POLR2F: variants seen among roughly 807,000 people sequenced by gnomAD.
The protein encoded by POLR2F is DNA-directed RNA polymerases I, II, and III subunit RPABC2.
A neutral mutation model predicts 22.7 loss-of-function variants in POLR2F; 12 were observed. That is an observed-to-expected ratio of 0.53 (90% CI 0.34 to 0.86). POLR2F has a LOEUF of 0.86. Ranked by LOEUF, POLR2F falls within the 40% of genes least tolerant of loss-of-function variation. The pLI is 0.02. For synonymous variants in POLR2F, 57 were observed against 66.0 expected (o/e 0.86, Z 0.66); for missense variants, 126 against 171.5 (o/e 0.73, Z 1.48).
chr22:37,959,982 T>A (rs1462293376), intron 3 of POLR2F, among the ~76,000 whole-genome samples: 3 of 151,388 alleles, frequency 2.0e-5, no homozygotes, highest in Admixed American at 6.6e-5. Flanking sequence ...TGTTGTGTTT[T>A]TAATAGAGAC....
chr22:38,002,129 C>T (rs952615603), intron 1 of POLR2F, among the ~76,000 whole-genome samples: 8 of 151,518 alleles, frequency 5.3e-5, no homozygotes, highest in East Asian at 1.9e-4. Flanking sequence ...GGATTACATG[C>T]GCGAGCCAGC....
intron 1 of POLR2F, chr22:38,025,553 CCTT>C: frequency 4.1e-6 from 6 of 1,473,772 alleles, no homozygotes; most frequent in Non-Finnish European, 5.4e-6. Context: ...CTGTCCACGC[CCTT>C]CTCCCATCTC....
At chr22:38,006,207 C>T (rs1464123143) in intron 1 of POLR2F, among the ~76,000 whole-genome samples, 1 of 151,830 alleles carries the variant, frequency 6.6e-6, no homozygotes, top group Non-Finnish European at 1.5e-5. Context: ...GACCCCATCT[C>T]TAAAAAAATT....
intron 1 of POLR2F, among the ~76,000 whole-genome samples, chr22:38,022,954 T>C (rs886438432): frequency 3.9e-5 from 6 of 152,166 alleles, no homozygotes; most frequent in African/African-American, 1.4e-4. Flanking sequence ...GAGGTTGCAG[T>C]GAGCCAAGAT....
rs139606760 is a variant in POLR2F at position 37,954,823 on chromosome 22, G to A, written c.20+1016G>A. Among the ~76,000 whole-genome samples the A allele has an allele frequency of 5.5e-3, 844 of 152,298 alleles. 5 individuals carry two copies. Among genetic ancestry groups the A allele is most frequent in the African/African-American group, 0.019 (798 of 41,576 alleles). On this transcript the variant is annotated intron_variant, in intron 1 of 4. Transcript: ENST00000442738. The stretch of plus-strand genomic sequence containing the variant: ...TCCCAGTGAGTGTCAGTAGAGAAGA[G>A]GAGATGACCCGTGGCTGAGCATTAG...
intron 1 of POLR2F, among the ~76,000 whole-genome samples, chr22:38,022,607 A>G (rs537026064): frequency 5.9e-5 from 9 of 152,024 alleles, no homozygotes; most frequent in Non-Finnish European, 1.2e-4. Context: ...TTAGTTCCTA[A>G]GTAAGATCTC....
chr22:37,981,841 C>T (rs1932407098), upstream of POLR2F, among the ~76,000 whole-genome samples: 1 of 152,210 alleles, frequency 6.6e-6, no homozygotes, highest in African/African-American at 2.4e-5. Context: ...GGGCTGGTCG[C>T]TGAGCCCTGG....
rs368612161 is a variant in POLR2F, at chr22:37,966,966, C to G, written c.222-133C>G. 148 of 647,798 alleles carry G rather than the reference C, an allele frequency of 2.3e-4. 3 individuals carry two copies. In the East Asian group the frequency reaches 2.5e-3, roughly 11 times the overall value. 40.1% of individuals were successfully genotyped at this position (647,798 alleles called of 1,614,324 possible). On this transcript the variant is annotated intron_variant, in intron 3 of 4. Coordinates refer to ENST00000442738, the MANE Select transcript of POLR2F (RefSeq NM_021974.5). ...TCTCTGGCAGTGCCCCTACACACCACTCCCTACTGTGCCTGCCTACCTAGA... is the reference window on the plus strand; with the variant it reads ...TCTCTGGCAGTGCCCCTACACACCAGTCCCTACTGTGCCTGCCTACCTAGA...
Position 37,986,767 on chromosome 22 carries a change from G to T in POLR2F, c.120+455G>T, listed in dbSNP as rs536553087. On this transcript the variant is annotated intron_variant, in intron 1 of 2. Coordinates refer to the POLR2F transcript ENST00000333418. This position sits in a 1 kb window ranked among gnomAD's most constrained non-coding sequence, Gnocchi z 4.7. ...TGTGTGTGGTTGGGGCCCCTGCTGC[G>T]AACACATCCCTGCCCACCATGCTGG... is the stretch of plus-strand genomic sequence containing the variant. 5 of 468,834 alleles carry T rather than the reference G, an allele frequency of 1.1e-5. No individual in the cohort carries two copies. The East Asian group carries it at 3.4e-4, about 31-fold the overall frequency. The allele number at this position is 468,834 out of a possible 1,614,324, so 29.0% of individuals were successfully genotyped here.
At chr22:37,986,018 T>TC, upstream of POLR2F, 2 of 780,858 alleles carry the variant, frequency 2.6e-6, no homozygotes, top group Non-Finnish European at 3.3e-6. The surrounding 1 kb of genome is among the most constrained non-coding windows in gnomAD (Gnocchi z 4.7). Context: ...CCAACCCTCC[T>TC]CCCCCCGCCT....
intron 1 of POLR2F, among the ~76,000 whole-genome samples, chr22:38,022,566 A>AG (rs2084969586): frequency 6.6e-6 from 1 of 151,368 alleles, no homozygotes; most frequent in Non-Finnish European, 1.5e-5. Flanking sequence ...AAAAAAAAAA[A>AG]AAAAAGAAAG....
chr22:37,975,645 A>C (rs989658844), intron 4 of POLR2F, among the ~76,000 whole-genome samples: 5 of 152,206 alleles, frequency 3.3e-5, no homozygotes, highest in Non-Finnish European at 5.9e-5. Flanking sequence ...GGCAGCGCCA[A>C]GTCCTGCATT....
intron 4 of POLR2F, among the ~76,000 whole-genome samples, chr22:37,976,506 G>A (rs969682397): frequency 6.6e-6 from 1 of 152,210 alleles, no homozygotes; most frequent in East Asian, 1.9e-4. Context: ...GACTCAGAGC[G>A]TGTCCTCTGA....
intron 1 of POLR2F, among the ~76,000 whole-genome samples, chr22:38,004,944 C>G (rs560872704): frequency 1.6e-4 from 23 of 147,478 alleles, no homozygotes; most frequent in Non-Finnish European, 2.9e-4. Context: ...AACTCCGTCT[C>G]AAAAAACAAA....
Position 37,953,767 on chromosome 22 carries a change from G to T in POLR2F, c.-21G>T. ...TCCGCGCGGGACCGGGGCGCAGCGG[G>T]GTCGCTGAGGCGAGGGTGTCATGTC... On this transcript the variant is annotated 5_prime_UTR_variant, in exon 1 of 5. Transcript: ENST00000442738. 2 of 1,606,678 alleles carry T rather than the reference G, an allele frequency of 1.2e-6. No individual in the cohort carries two copies. Among genetic ancestry groups the T allele is most frequent in the South Asian group, 1.1e-5 (1 of 89,912 alleles).
chr22:38,029,695 C>T (rs1055908165), downstream of POLR2F, among the ~76,000 whole-genome samples: 3 of 152,310 alleles, frequency 2.0e-5, no homozygotes, highest in South Asian at 6.2e-4. Context: ...GTCTGTCCTC[C>T]ATTAACACCC....
chr22:38,041,459 T>G, downstream of POLR2F: 2 of 298,872 alleles, frequency 6.7e-6, no homozygotes, highest in East Asian at 6.6e-5. Flanking sequence ...GGAAGGCTTG[T>G]GGGCGGTGGA....
At chr22:37,979,485 T>TGAATTCCAGTGTGGTGG (rs963913874) in intron 4 of POLR2F, among the ~76,000 whole-genome samples, 1 of 151,824 alleles carries the variant, frequency 6.6e-6, no homozygotes, top group Non-Finnish European at 1.5e-5. Flanking sequence ...CCTGATTGTG[T>TGAATTCCAGTGTGGTGG]GAATTCCAGT....
At chr22:37,965,734 T>C (rs777137844) in intron 3 of POLR2F, among the ~76,000 whole-genome samples, 3 of 152,236 alleles carry the variant, frequency 2.0e-5, no homozygotes, top group Non-Finnish European at 4.4e-5. Flanking sequence ...CTGGTAGCTC[T>C]CAGACTAGCT....
Sources: gnomAD v4.1 joint callset for allele counts (sites outside exome capture counted in the v4.1 genomes callset) on GRCh38, gnomAD v4.1.1 for gene constraint, Gnocchi (gnomAD v3.1) non-coding constraint, MANE v1.5 for transcripts, NCBI Gene and HGNC (gene_info 2026-07-23, HGNC 2026-07-21) for gene names.